SRRM1: variants seen among roughly 807,000 people sequenced by gnomAD.
SRRM1 encodes serine and arginine repetitive matrix 1, also known as serine/arginine repetitive matrix protein 1.
A neutral mutation model predicts 110.2 loss-of-function variants in SRRM1; 19 were observed. The observed-to-expected ratio is 0.17, with a 90% confidence interval of 0.12 to 0.25. SRRM1 has a LOEUF of 0.25. Among genes scored for constraint, SRRM1 ranks in the 10% least tolerant of loss-of-function variants. The pLI, the probability that SRRM1 is intolerant of heterozygous loss-of-function variation, is 1.00. For synonymous variants in SRRM1, 443 were observed against 414.9 expected, an observed-to-expected ratio of 1.07 and a Z score of -0.82; for missense variants, 918 against 1,145.8, an observed-to-expected ratio of 0.80 and a Z score of 2.87.
At chr1:24,669,690 G>A (rs941560602) in intron 14 of SRRM1, 103 bp downstream of exon 14, 2 of 932,534 alleles carry the variant, frequency 2.1e-6, no homozygotes, top group Non-Finnish European at 3.2e-6. Flanking sequence ...ATGAATATGA[G>A]CTTTTAAGTC....
In SRRM1 at chr1:24,650,030, T is replaced by G; in HGVS notation, c.465T>G (p.Asp155Glu). 1.3e-6 allele frequency: 2 copies of G among 1,598,262 alleles called. No homozygotes were observed. Among genetic ancestry groups the G allele is most frequent in the African/African-American group, 1.3e-5 (1 of 74,520 alleles). ...KKQDEDKDKR[D>E]KEEKESSREK... ...AAGATGAAGACAAAGATAAAAGAGA[T>G]AAGGAAGAAAAAGAAAGCAGCAGAG... The change falls in exon 5 of 17, where the codon GAT (aspartate) becomes GAG (glutamate). Residue 155 changes from aspartate (D) to glutamate (E), a missense_variant. By Grantham distance (45) the Asp-to-Glu change is conservative. Around this residue, in one of 5 missense-constraint regions of SRRM1, gnomAD observed 456 missense variants for 453.5 expected, o/e 1.01. Coordinates refer to ENST00000323848, the MANE Select transcript of SRRM1 (RefSeq NM_005839.4).
At chr1:24,651,042 G>A (rs961974272) in intron 5 of SRRM1, among the ~76,000 whole-genome samples, 14 of 152,270 alleles carry the variant, frequency 9.2e-5, no homozygotes, top group African/African-American at 1.7e-4. Context: ...TAATCTGTCC[G>A]CATCTAAATG....
chr1:24,662,849 T>C (rs1434641020), intron 12 of SRRM1, 45 bp downstream of exon 12: 1 of 1,585,970 alleles, frequency 6.3e-7, no homozygotes, highest in African/African-American at 1.3e-5. Flanking sequence ...TCTGTAATTG[T>C]GATGAAATTT....
At chr1:24,649,230 T>G (rs1420892255) in intron 4 of SRRM1, among the ~76,000 whole-genome samples, 1 of 152,244 alleles carries the variant, frequency 6.6e-6, no homozygotes, top group Non-Finnish European at 1.5e-5. Flanking sequence ...GTCTAGTGAT[T>G]TGCTAGATTT....
chr1:24,653,087 T>C (rs374414148), intron 8 of SRRM1, 55 bp downstream of exon 8: 2 of 1,539,568 alleles, frequency 1.3e-6, no homozygotes. Context: ...GGATAATCTT[T>C]CTTTTAGGAT....
chr1:24,655,281 T>C (rs1570836740), intron 9 of SRRM1, 152 bp downstream of exon 9: 1 of 977,476 alleles, frequency 1.0e-6, no homozygotes, highest in Non-Finnish European at 1.5e-6. Flanking sequence ...GCCTACCTCT[T>C]TCCTGCTTTA....
chr1:24,668,058 G>A (rs956207256), intron 13 of SRRM1, among the ~76,000 whole-genome samples: 19 of 127,346 alleles, frequency 1.5e-4, no homozygotes, highest in Admixed American at 8.1e-4. Flanking sequence ...TGTAACCTCC[G>A]CCTCCTGGGT....
At chr1:24,669,051 C>A in intron 13 of SRRM1, 72 bp from the exon 14 acceptor site, 1 of 1,320,922 alleles carries the variant, frequency 7.6e-7, no homozygotes, top group Non-Finnish European at 1.1e-6. Flanking sequence ...ATAGCCAAAC[C>A]TACTGATTAC....
intron 5 of SRRM1, 37 bp downstream of exon 5, chr1:24,650,123 G>T (rs1367072032): frequency 6.8e-7 from 1 of 1,478,668 alleles, no homozygotes; most frequent in African/African-American, 1.4e-5. Context: ...TGTTTTACAG[G>T]TACTTTAGGT....
chr1:24,657,452 T>C (rs1298472585), intron 9 of SRRM1, among the ~76,000 whole-genome samples: 2 of 152,248 alleles, frequency 1.3e-5, no homozygotes, highest in Non-Finnish European at 1.5e-5. Flanking sequence ...GTTGAAATTC[T>C]TTAGCTTCTC....
intron 8 of SRRM1, 35 bp downstream of exon 8, chr1:24,653,067 T>C (rs1227594367): frequency 2.5e-6 from 4 of 1,594,560 alleles, no homozygotes; most frequent in Admixed American, 3.5e-5. Flanking sequence ...GTCAAGTGTT[T>C]GACACTTCTG....
chr1:24,653,569 A>G (rs1297466880), intron 8 of SRRM1, among the ~76,000 whole-genome samples: 1 of 152,232 alleles, frequency 6.6e-6, no homozygotes, highest in Admixed American at 6.5e-5. Context: ...TATATTCCAT[A>G]GATATAATTG....
At position 24,654,401 on chromosome 1, in the gene SRRM1, C is replaced by T. The variant is rs561430522; in HGVS notation, c.1041-454C>T. 1.1e-5 allele frequency: 14 copies of T among 1,239,932 alleles called. No individual in the cohort carries two copies. The Admixed American group carries it at 2.8e-4, about 25-fold the overall frequency. The allele number at this position is 1,239,932 out of a possible 1,614,324, so 76.8% of individuals were successfully genotyped here. A position where few individuals can be genotyped will look rare whatever the true frequency, so the allele number is the denominator to read the frequency against. On this transcript the variant is annotated intron_variant, in intron 8 of 16. Coordinates refer to ENST00000323848, the MANE Select transcript of SRRM1 (RefSeq NM_005839.4). The stretch of plus-strand genomic sequence containing the variant: ...TTTTGCCGCAGAATTCGAGAGGCCC[C>T]TGCTTCTAAGTTTATGTAGCTAAAT...
chr1:24,651,740 T>G (rs940654379), intron 6 of SRRM1, 128 bp downstream of exon 6: 16 of 822,974 alleles, frequency 1.9e-5, no homozygotes, highest in Non-Finnish European at 3.0e-5. Flanking sequence ...AAAATTAGTT[T>G]GTTGAAAAGA....
Position 24,667,285 on chromosome 1 carries a change from T to C in SRRM1, c.1739+360T>C, listed in dbSNP as rs528261072. Among the ~76,000 whole-genome samples the C allele has an allele frequency of 7.2e-5, 11 of 152,330 alleles. No individual in the cohort carries two copies. The South Asian group carries it at 2.3e-3, about 32-fold the overall frequency. On this transcript the variant is annotated intron_variant, in intron 13 of 16. Transcript: ENST00000323848. The stretch of plus-strand genomic sequence containing the variant: ...GAACTATATGAATATACTAAAATCA[T>C]TTAATTGTATACTTTAAATGGACCT...
At chr1:24,660,099 A>G (rs1666368810) in intron 9 of SRRM1, among the ~76,000 whole-genome samples, 1 of 152,176 alleles carries the variant, frequency 6.6e-6, no homozygotes, top group Admixed American at 6.5e-5. Context: ...TTTCTTAATC[A>G]TTTATCATCT....
intron 5 of SRRM1, among the ~76,000 whole-genome samples, chr1:24,651,146 T>C (rs113783744): frequency 6.6e-5 from 10 of 152,356 alleles, no homozygotes; most frequent in African/African-American, 2.4e-4. Flanking sequence ...TTTTGATCTC[T>C]GGGAATGATT....
intron 3 of SRRM1, chr1:24,648,540 A>G (rs1438243267): frequency 5.0e-6 from 1 of 198,412 alleles, no homozygotes; most frequent in Non-Finnish European, 1.0e-5. Flanking sequence ...TGGATGTTTC[A>G]TGATGGTTTT....
Position 24,669,230 on chromosome 1 carries a change from C to T in SRRM1, c.1847C>T (p.Ser616Leu). The T allele has an allele frequency of 6.2e-7, 1 of 1,614,144 alleles. No individual in the cohort carries two copies. The highest frequency in any genetic ancestry group is 2.2e-5 in the East Asian group (1 of 44,870). ...CCACCTCCAAAGAGAAGAACGGCTTCACCTCCTCCCCCTCCTAAACGAAGA... is the reference window on the plus strand; with the variant it reads ...CCACCTCCAAAGAGAAGAACGGCTTTACCTCCTCCCCCTCCTAAACGAAGA... ...PSPPPKRRTA[S>L]PPPPPKRRAS... The change falls in exon 14 of 17, where the codon TCA (serine) becomes TTA (leucine). Residue 616 changes from serine (S) to leucine (L), a missense_variant. Ser to Leu is a moderately radical substitution (Grantham distance 145). This residue lies in a region of SRRM1 where 357 missense variants were observed against 402.9 expected (regional missense o/e 0.89). Transcript: ENST00000323848.
Sources: allele counts gnomAD v4.1 joint callset (sites outside exome capture counted in the v4.1 genomes callset), GRCh38; gene constraint gnomAD v4.1.1; regional missense constraint gnomAD v4.1.1; transcripts MANE v1.5; gene names NCBI Gene and HGNC (gene_info 2026-07-23, HGNC 2026-07-21).